KRT6C: variants seen among roughly 807,000 people sequenced by gnomAD.
The protein encoded by KRT6C is keratin 6C.
A neutral mutation model predicts 49.4 loss-of-function variants in KRT6C; 46 were observed. The observed-to-expected ratio is 0.93, with a 90% CI of 0.74 to 1.19. KRT6C has a LOEUF of 1.19. Ranked by LOEUF, KRT6C falls within the 50% of genes most tolerant of loss-of-function variation. KRT6C has a pLI of 0.00. For missense variants in KRT6C, 552 were observed against 737.5 expected (o/e 0.75, Z 2.91); for synonymous variants, 236 against 297.1 (o/e 0.79, Z 2.12).
Position 52,468,928 on chromosome 12 carries a change from A to C in KRT6C, c.*134T>G. 9.1e-7 allele frequency: 1 copy of C among 1,098,672 alleles called. No homozygotes were observed. Among genetic ancestry groups the C allele is most frequent in the African/African-American group, 1.6e-5 (1 of 64,186 alleles). 68.1% of individuals were successfully genotyped at this position (1,098,672 alleles called of 1,614,324 possible). ...ATAGACAGAGAGAAGTGAGGGCACT[A>C]AGCATCCATACCCAGCTCTACCTCG... On this transcript the variant is annotated 3_prime_UTR_variant, in exon 9 of 9. Transcript: ENST00000252250.
chr12:52,472,229 G>A lies in KRT6C; in HGVS notation c.592C>T (p.Leu198=), dbSNP rs371866729. ...ACAGTCTTGGTGCCCTGCTCCTGCA[G>A]CAGGGTCCACTTGGTGTCCAGAACC... ...NKVLDTKWTL[L]QEQGTKTVRQ... is the part of the protein sequence containing the mutation. Residue 198 remains leucine (L), a synonymous_variant, in exon 2 of 9, where the codon CTG becomes TTG. Transcript: ENST00000252250. 46 of 1,460,264 alleles carry A rather than the reference G, an allele frequency of 3.2e-5. 10 individuals carry two copies. Among genetic ancestry groups the A allele is most frequent in the Non-Finnish European group, 4.4e-5 (46 of 1,055,834 alleles). The allele number at this position is 1,460,264 out of a possible 1,614,324, so 90.5% of individuals were successfully genotyped here. A position where few individuals can be genotyped will look rare whatever the true frequency, so the allele number is the denominator to read the frequency against.
chr12:52,470,463 G>C (rs1565808284), intron 6 of KRT6C, 42 bp downstream of exon 6: 1 of 1,613,966 alleles, frequency 6.2e-7, no homozygotes, highest in South Asian at 1.1e-5. Flanking sequence ...GATGGGTCTA[G>C]CAAAAAATGA....
Position 52,470,542 on chromosome 12 carries a change from T to C in KRT6C, c.1166A>G (p.Gln389Arg). 6.2e-7 allele frequency: 1 copy of C among 1,614,180 alleles called. No individual in the cohort carries two copies. The change falls in exon 6 of 9, where the codon CAG becomes CGG. Residue 389 changes from glutamine to arginine, a missense_variant. Coordinates refer to ENST00000252250, the MANE Select transcript of KRT6C (RefSeq NM_173086.5). ...ATGGTCGATCTCAGATCTCAGCCTC[T>C]GGATCATGCGGTTGATCTCAGCAAT... ...QEIAEINRMIQRLRSEIDHVK... is the reference protein window; with the variant it reads ...QEIAEINRMIRRLRSEIDHVK...
rs769879487 is a variant in KRT6C at position 52,473,348 on chromosome 12, G to A, written c.390C>T (p.Cys130=). Reference sequence around the variant, plus strand: ...TGACCTCTTGGATGCCTCCAGGGGGGCACACAGGGAAGCCAGGGCCCCCAA... The same window carrying A: ...TGACCTCTTGGATGCCTCCAGGGGGACACACAGGGAAGCCAGGGCCCCCAA... The part of the protein sequence containing the change: ...GGFGGPGFPV[C]PPGGIQEVTV... The change falls in exon 1 of 9, where the codon TGC becomes TGT. Residue 130 remains cysteine, a synonymous_variant. Transcript: ENST00000252250. 2.8e-6 allele frequency: 4 copies of A among 1,435,862 alleles called. No homozygotes were observed. The highest frequency in any genetic ancestry group is 2.4e-5 in the East Asian group (1 of 41,308). 88.9% of individuals were successfully genotyped at this position (1,435,862 alleles called of 1,614,324 possible).
intron 6 of KRT6C, 117 bp from the exon 7 acceptor site, chr12:52,470,007 T>C: frequency 8.6e-7 from 1 of 1,156,922 alleles, no homozygotes; most frequent in Non-Finnish European, 1.3e-6. Flanking sequence ...GCTTTGACTC[T>C]TCCTGTCCAG....
rs879739134 is a variant in KRT6C, at chr12:52,469,452, A to T, written c.1425-7T>A. 4 of 1,613,816 alleles carry T rather than the reference A, an allele frequency of 2.5e-6. No individual in the cohort carries two copies. The highest frequency in any genetic ancestry group is 3.4e-6 in the Non-Finnish European group (4 of 1,179,842). On this transcript the variant is annotated splice_polypyrimidine_tract_variant and splice_region_variant and intron_variant, in intron 7 of 8. Transcript: ENST00000252250. ...AACGCCTTCGCCATTCAGCCTGTGG[A>T]GAGGAACACAGGGAGGGTGAGACCT...
In KRT6C at chr12:52,469,141, A is replaced by C; in HGVS notation, c.1616T>G (p.Leu539Arg). Residue 539 changes from leucine to arginine, a missense_variant, in exon 9 of 9, where the codon CTC becomes CGC. This residue lies in a region of KRT6C where 425 missense variants were observed against 439.4 expected (regional missense o/e 0.97). Coordinates refer to ENST00000252250, the MANE Select transcript of KRT6C (RefSeq NM_173086.5). ...SSSGRAIGGGLSSVGGGSSTI... is the reference protein window; with the variant it reads ...SSSGRAIGGGRSSVGGGSSTI... The stretch of plus-strand genomic sequence containing the variant: ...GGAACTGCCGCCTCCAACAGAGCTG[A>C]GGCCACCCCCAATGGCTCTGCCACT... 6.2e-7 allele frequency: 1 copy of C among 1,614,030 alleles called. No individual in the cohort carries two copies. Among genetic ancestry groups the C allele is most frequent in the Non-Finnish European group, 8.5e-7 (1 of 1,179,902 alleles).
rs1265263632 is a variant in KRT6C at position 52,470,406 on chromosome 12, TGGTTTACGTTTCA to T, written c.1203+86_1203+98del. Reference sequence around the variant, plus strand: ...CTACACATGTTCCTCACCCTAGTGTTGGTTTACGTTTCAGGAATTATATCAAATAATGGCTAAT... The same window carrying T: ...CTACACATGTTCCTCACCCTAGTGTTGGAATTATATCAAATAATGGCTAAT... On this transcript the variant is annotated intron_variant, in intron 6 of 8. Transcript: ENST00000252250. 3.1e-6 allele frequency: 5 copies of T among 1,600,910 alleles called. No individual in the cohort carries two copies. The Admixed American group carries it at 8.3e-5, about 27-fold the overall frequency.
rs28628144 is a variant in KRT6C, at chr12:52,471,760, A to T, written c.756-28T>A. The T allele has an allele frequency of 1.0e-3, 1,629 of 1,611,890 alleles. 11 individuals carry two copies. Among genetic ancestry groups the T allele is most frequent in the Middle Eastern group, 1.5e-3 (9 of 6,054 alleles). On this transcript the variant is annotated intron_variant, in intron 2 of 8. Transcript: ENST00000252250. ...ACAGGAAGAAAGGCATAGGACACAT[A>T]TGAGCCAGTGGGTAGGATGAAACAG...
chr12:52,469,163 C>G lies in KRT6C; in HGVS notation c.1594G>C (p.Gly532Arg). ...CTGAGGCCACCCCCAATGGCTCTGCCACTGCTGGAACTGAAGCCACCTCCA... is the reference window on the plus strand; with the variant it reads ...CTGAGGCCACCCCCAATGGCTCTGCGACTGCTGGAACTGAAGCCACCTCCA... ...GIGGGFSSSS[G>R]RAIGGGLSSV... Residue 532 changes from glycine to arginine, a missense_variant, in exon 9 of 9, where the codon GGC (glycine) becomes CGC (arginine). Gly to Arg is a moderately radical substitution (Grantham distance 125). This residue lies in a region of KRT6C where 425 missense variants were observed against 439.4 expected (regional missense o/e 0.97). Coordinates refer to ENST00000252250, the MANE Select transcript of KRT6C (RefSeq NM_173086.5). 1 of 1,614,008 alleles carries G rather than the reference C, an allele frequency of 6.2e-7. No individual in the cohort carries two copies. The highest frequency in any genetic ancestry group is 8.5e-7 in the Non-Finnish European group (1 of 1,179,894).
At chr12:52,473,019 C>A (rs1199372793) in intron 1 of KRT6C, among the ~76,000 whole-genome samples, 179 bp downstream of exon 1, 1 of 149,936 alleles carries the variant, frequency 6.7e-6, no homozygotes, top group Non-Finnish European at 1.5e-5. Flanking sequence ...CTCCAGAGAT[C>A]CCATGGGGGA....
rs1490121737 is a variant in KRT6C, at chr12:52,472,280, C to T, written c.541G>A (p.Val181Met). 2.1e-6 allele frequency: 3 copies of T among 1,409,530 alleles called. 1 individual carries two copies. In the African/African-American group the frequency reaches 4.1e-5, roughly 19 times the overall value. 87.3% of individuals were successfully genotyped at this position (1,409,530 alleles called of 1,614,324 possible). A position where few individuals can be genotyped will look rare whatever the true frequency, so the allele number is the denominator to read the frequency against. ...NNKFASFIDK[V>M]RFLEQQNKVL... ...TTGTTCTGCTGCTCTAGGAACCGCA[C>T]CTGGAAGGGAAGCAAGATGGTCATT... The change falls in exon 2 of 9, where the codon GTG (valine) becomes ATG (methionine). Residue 181 changes from valine to methionine, a missense_variant and splice_region_variant. By Grantham distance (21) the Val-to-Met change is conservative. This residue lies in a region of KRT6C where 54 missense variants were observed against 195.9 expected (regional missense o/e 0.28). Transcript: ENST00000252250.
chr12:52,470,158 A>G, intron 6 of KRT6C: 1 of 609,288 alleles, frequency 1.6e-6, no homozygotes, highest in Non-Finnish European at 2.9e-6. Flanking sequence ...AGCCATATGG[A>G]AGATGAATGC....
At chr12:52,470,358 T>G in intron 6 of KRT6C, 147 bp downstream of exon 6, 1 of 1,416,252 alleles carries the variant, frequency 7.1e-7, no homozygotes, top group Non-Finnish European at 9.8e-7. Flanking sequence ...ACTTCTCTAT[T>G]GAGTTCTCAC....
chr12:52,469,364 T>A (rs763878097), intron 8 of KRT6C, 47 bp downstream of exon 8: 1 of 1,613,858 alleles, frequency 6.2e-7, no homozygotes, highest in East Asian at 2.2e-5. Flanking sequence ...CTGAGCCCAG[T>A]CAGAAGAGTG....
chr12:52,471,123 C>A lies in KRT6C; in HGVS notation c.1077+9G>T. 6.2e-7 allele frequency: 1 copy of A among 1,614,174 alleles called. No homozygotes were observed. The highest frequency in any genetic ancestry group is 8.5e-7 in the Non-Finnish European group (1 of 1,180,016). On this transcript the variant is annotated intron_variant, in intron 5 of 8. Coordinates refer to ENST00000252250, the MANE Select transcript of KRT6C (RefSeq NM_173086.5). ...AGGATTCCTCAGCAGCTGCCCACTC[C>A]CTGCTCACCTTGGTCTGGTACCAGG... is the stretch of plus-strand genomic sequence containing the variant.
At position 52,469,462 on chromosome 12, in the gene KRT6C, A is replaced by G; in HGVS notation, c.1425-17T>C. 1 of 1,613,948 alleles carries G rather than the reference A, an allele frequency of 6.2e-7. No individual in the cohort carries two copies. The highest frequency in any genetic ancestry group is 8.5e-7 in the Non-Finnish European group (1 of 1,179,856). On this transcript the variant is annotated splice_polypyrimidine_tract_variant and intron_variant, in intron 7 of 8. Transcript: ENST00000252250. ...CCATTCAGCCTGTGGAGAGGAACAC[A>G]GGGAGGGTGAGACCTCAGAGAGCTC...
chr12:52,471,059 G>C, intron 5 of KRT6C, 73 bp downstream of exon 5: 1 of 1,611,418 alleles, frequency 6.2e-7, no homozygotes, highest in Non-Finnish European at 8.5e-7. Context: ...GATGTCCCCA[G>C]TGAAGTCTGC....
Position 52,468,904 on chromosome 12 carries a change from T to C in KRT6C, c.*158A>G, listed in dbSNP as rs1174420869. ...AATGGGTGCTCAGATGGGGCAGGTATAGACAGAGAGAAGTGAGGGCACTAA... is the reference window on the plus strand; with the variant it reads ...AATGGGTGCTCAGATGGGGCAGGTACAGACAGAGAGAAGTGAGGGCACTAA... On this transcript the variant is annotated 3_prime_UTR_variant, in exon 9 of 9. Transcript: ENST00000252250. 11 of 855,012 alleles carry C rather than the reference T, an allele frequency of 1.3e-5. No individual in the cohort carries two copies. The highest frequency in any genetic ancestry group is 2.0e-5 in the Non-Finnish European group (11 of 544,602). The allele number at this position is 855,012 out of a possible 1,614,324, so 53.0% of individuals were successfully genotyped here.
Sources: gnomAD v4.1 joint callset for allele counts (sites outside exome capture counted in the v4.1 genomes callset) on GRCh38, gnomAD v4.1.1 for gene constraint, gnomAD v4.1.1 regional missense constraint, MANE v1.5 for transcripts, NCBI Gene and HGNC (gene_info 2026-07-23, HGNC 2026-07-21) for gene names.